The following GRID1 variants were observed in gnomAD, a reference collection of about 807,000 sequenced individuals.
GRID1 encodes glutamate receptor ionotropic, delta-1.
GRID1 carries 28 observed loss-of-function variants against 98.0 expected under a neutral mutation model. The observed-to-expected ratio is 0.29, with a 90% CI of 0.21 to 0.39. GRID1 has a LOEUF of 0.39. GRID1 is among the 10% of genes least tolerant of loss of function. GRID1 has a pLI of 1.00. For synonymous variants in GRID1, 553 were observed against 538.5 expected (o/e 1.03, Z -0.37); for missense variants, 1,111 against 1,340.5 (o/e 0.83, Z 2.67).
intron 2 of GRID1, among the ~76,000 whole-genome samples, chr10:86,337,833 G>C (rs949139565): frequency 6.9e-6 from 1 of 145,720 alleles, no homozygotes; most frequent in Non-Finnish European, 1.5e-5. Flanking sequence ...TCAGCCTCCC[G>C]AGTAGCTGGG....
At chr10:86,112,225 T>C (rs1290659000) in intron 4 of GRID1, among the ~76,000 whole-genome samples, 1 of 152,160 alleles carries the variant, frequency 6.6e-6, no homozygotes, top group East Asian at 1.9e-4. Context: ...GCAGGCAGGC[T>C]TAGCAGAGAT....
At chr10:86,196,263 T>C (rs2132011858) in intron 3 of GRID1, among the ~76,000 whole-genome samples, 1 of 152,142 alleles carries the variant, frequency 6.6e-6, no homozygotes. Flanking sequence ...GAGTTGGGGC[T>C]CTAGGCTTCA....
intron 4 of GRID1, among the ~76,000 whole-genome samples, chr10:86,130,420 G>A (rs1454925104): frequency 6.6e-6 from 1 of 152,188 alleles, no homozygotes; most frequent in African/African-American, 2.4e-5. Context: ...ACACACAAAT[G>A]TTGCCTTTTG....
intron 8 of GRID1, among the ~76,000 whole-genome samples, chr10:85,775,373 G>T (rs1293273983): frequency 6.6e-6 from 1 of 151,938 alleles, no homozygotes; most frequent in Non-Finnish European, 1.5e-5. Flanking sequence ...TATACGTGAT[G>T]CTAAATGATG....
chr10:86,009,696 G>C lies in GRID1; in HGVS notation c.727-93457C>G, dbSNP rs182293083. On this transcript the variant is annotated intron_variant, in intron 4 of 15. Transcript: ENST00000327946. ...CTGTTTATGTTCTTTCCCTGCAAAG[G>C]CTTTCTCACCCTCCTACAAGAACTT... 5.2e-4 allele frequency among the ~76,000 whole-genome samples: 79 copies of C among 152,274 alleles called. 1 individual carries two copies. The highest frequency in any genetic ancestry group is 2.9e-4 in the Non-Finnish European group (20 of 68,022).
intron 4 of GRID1, among the ~76,000 whole-genome samples, chr10:85,967,222 T>C (rs888082648): frequency 1.1e-4 from 16 of 152,210 alleles, no homozygotes; most frequent in Non-Finnish European, 2.2e-4. Flanking sequence ...AGGTATGTCT[T>C]TATTGCAGCA....
At chr10:85,709,731 A>T (rs935490886) in intron 12 of GRID1, among the ~76,000 whole-genome samples, 2 of 152,204 alleles carry the variant, frequency 1.3e-5, no homozygotes, top group African/African-American at 4.8e-5. Context: ...AGAGAGGAAA[A>T]TGTATTAAAT....
intron 4 of GRID1, among the ~76,000 whole-genome samples, chr10:86,038,452 G>T (rs563990213): frequency 6.6e-6 from 1 of 152,236 alleles, no homozygotes; most frequent in South Asian, 2.1e-4. Context: ...TCAGAAGCAA[G>T]AGGTGACTAA....
At chr10:86,038,547 G>A (rs1843302633) in intron 4 of GRID1, among the ~76,000 whole-genome samples, 1 of 152,198 alleles carries the variant, frequency 6.6e-6, no homozygotes, top group African/African-American at 2.4e-5. Flanking sequence ...TTAGCTTTCA[G>A]GTGCTGTGCC....
intron 12 of GRID1, among the ~76,000 whole-genome samples, chr10:85,689,958 C>T (rs1417079355): frequency 1.3e-5 from 2 of 151,950 alleles, no homozygotes; most frequent in Admixed American, 1.3e-4. Flanking sequence ...CACAATTCAA[C>T]CAATCAAGAG....
At chr10:86,169,659 C>A (rs1193482354) in intron 3 of GRID1, among the ~76,000 whole-genome samples, 1 of 152,196 alleles carries the variant, frequency 6.6e-6, no homozygotes, top group Non-Finnish European at 1.5e-5. Flanking sequence ...TTTCCAGCAG[C>A]AGTCCAGCCT....
chr10:86,273,832 G>T (rs1280563430), intron 2 of GRID1, among the ~76,000 whole-genome samples: 1 of 151,966 alleles, frequency 6.6e-6, no homozygotes, highest in Non-Finnish European at 1.5e-5. Context: ...AGATGAGTAG[G>T]TTGCAAAAAT....
At chr10:86,026,611 C>T (rs2131890160) in intron 4 of GRID1, among the ~76,000 whole-genome samples, 1 of 152,290 alleles carries the variant, frequency 6.6e-6, no homozygotes, top group South Asian at 2.1e-4. Context: ...TGACAAAAAC[C>T]TAATATGTAC....
intron 4 of GRID1, among the ~76,000 whole-genome samples, chr10:85,925,512 G>C (rs1841762405): frequency 1.3e-5 from 2 of 152,344 alleles, no homozygotes; most frequent in African/African-American, 2.4e-5. Context: ...GCAGGTGGCT[G>C]TGTTGAGCCA....
intron 8 of GRID1, among the ~76,000 whole-genome samples, chr10:85,828,170 C>A (rs1842836348): frequency 6.6e-6 from 1 of 152,218 alleles, no homozygotes; most frequent in Admixed American, 6.5e-5. Flanking sequence ...ATTTAAACAA[C>A]CTGCTCCCGA....
chr10:86,073,721 C>T (rs567265627), intron 4 of GRID1, among the ~76,000 whole-genome samples: 14 of 152,164 alleles, frequency 9.2e-5, no homozygotes, highest in Non-Finnish European at 1.3e-4. Context: ...CAAGGCACCA[C>T]GATCAGTGAT....
intron 2 of GRID1, among the ~76,000 whole-genome samples, chr10:86,232,488 T>C (rs1432907961): frequency 6.6e-6 from 1 of 152,172 alleles, no homozygotes; most frequent in Non-Finnish European, 1.5e-5. Flanking sequence ...CTGCCTCTCC[T>C]GTTGTATTTC....
chr10:86,115,510 T>C (rs1465373506), intron 4 of GRID1, among the ~76,000 whole-genome samples: 2 of 152,242 alleles, frequency 1.3e-5, no homozygotes, highest in Non-Finnish European at 2.9e-5. Flanking sequence ...GCTCTACATG[T>C]CCTAACTTCT....
chr10:85,714,211 A>C (rs1004278255), intron 12 of GRID1, among the ~76,000 whole-genome samples: 2 of 152,026 alleles, frequency 1.3e-5, no homozygotes, highest in Non-Finnish European at 2.9e-5. Flanking sequence ...CAACAAGAAC[A>C]CATGGATAGA....
Sources: allele counts gnomAD v4.1 joint callset (sites outside exome capture counted in the v4.1 genomes callset), GRCh38; gene constraint gnomAD v4.1.1; transcripts MANE v1.5; gene names NCBI Gene and HGNC (gene_info 2026-07-23, HGNC 2026-07-21).